Variants in LNX2 observed in about 807,000 individuals in gnomAD.
LNX2 encodes the protein ligand of Numb protein X 2.
A neutral mutation model predicts 66.2 loss-of-function variants in LNX2; 35 were observed. That is an observed-to-expected ratio of 0.53 (90% confidence interval 0.40 to 0.70). LNX2 has a LOEUF of 0.70. Ranked by LOEUF, LNX2 falls within the 30% of genes least tolerant of loss-of-function variation. LNX2 has a pLI of 0.00. For synonymous variants in LNX2, 337 were observed against 315.6 expected, an observed-to-expected ratio of 1.07 and a Z score of -0.72; for missense variants, 791 against 850.8, an observed-to-expected ratio of 0.93 and a Z score of 0.87.
intron 3 of LNX2, among the ~76,000 whole-genome samples, chr13:27,568,474 C>A (rs945237408): frequency 6.6e-6 from 1 of 152,052 alleles, no homozygotes; most frequent in African/African-American, 2.4e-5. Flanking sequence ...AGGTGTATAA[C>A]GGTGAGATGC....
chr13:27,561,861 A>G (rs1955139593), intron 5 of LNX2, among the ~76,000 whole-genome samples: 1 of 152,252 alleles, frequency 6.6e-6, no homozygotes, highest in Non-Finnish European at 1.5e-5. Context: ...GCTTTTATGA[A>G]AAACATGTTC....
At chr13:27,584,453 C>T (rs1955461248) in intron 1 of LNX2, among the ~76,000 whole-genome samples, 1 of 150,668 alleles carries the variant, frequency 6.6e-6, no homozygotes, top group South Asian at 2.1e-4. Context: ...ACTCAGGAGG[C>T]TGAGGTGGGA....
chr13:27,550,241 G>T, intron 9 of LNX2, 92 bp downstream of exon 9: 1 of 1,105,972 alleles, frequency 9.0e-7, no homozygotes. Context: ...AAAAGATAAT[G>T]GGCTGGATTT....
At chr13:27,551,997 A>G (rs1246361998) in intron 8 of LNX2, among the ~76,000 whole-genome samples, 1 of 152,218 alleles carries the variant, frequency 6.6e-6, no homozygotes, top group Non-Finnish European at 1.5e-5. Context: ...TTTGCATTCA[A>G]CAGAGACCTC....
rs766779653 is a variant in LNX2 at position 27,581,429 on chromosome 13, T to C, written c.275A>G (p.His92Arg). 16 of 1,609,436 alleles carry C rather than the reference T, an allele frequency of 9.9e-6. No homozygotes were observed. The highest frequency in any genetic ancestry group is 4.5e-5 in the East Asian group (2 of 44,760). The change falls in exon 2 of 10, where the codon CAT (histidine) becomes CGT (arginine). Residue 92 changes from histidine to arginine, a missense_variant. His to Arg is a conservative substitution (Grantham distance 29). Coordinates refer to ENST00000316334, the MANE Select transcript of LNX2 (RefSeq NM_153371.4). ...DFCPLDRKRL[H>R]FKLCKKSSIL... ...ACTAGACTTCTTGCACAACTTAAAATGAAGTCTTTTCCGGTCCAACGGACA... is the reference window on the plus strand; with the variant it reads ...ACTAGACTTCTTGCACAACTTAAAACGAAGTCTTTTCCGGTCCAACGGACA...
intron 5 of LNX2, among the ~76,000 whole-genome samples, chr13:27,560,565 G>GTGTGTATGTGTATGTATATATATA (rs35007288): frequency 8.3e-6 from 1 of 119,970 alleles, no homozygotes; most frequent in East Asian, 2.2e-4. Context: ...ATGTATGTGT[G>GTGTGTATGTGTATGTATATATATA]TATATATATA....
chr13:27,613,767 C>CA (rs1425525651), intron 1 of LNX2, among the ~76,000 whole-genome samples: 1 of 151,460 alleles, frequency 6.6e-6, no homozygotes, highest in South Asian at 2.1e-4. Flanking sequence ...GACGCAGTCT[C>CA]AAAAAAATAA....
intron 1 of LNX2, among the ~76,000 whole-genome samples, chr13:27,599,935 A>C (rs1955638930): frequency 6.6e-6 from 1 of 152,202 alleles, no homozygotes; most frequent in Non-Finnish European, 1.5e-5. Context: ...GTTTCCATGG[A>C]AACAGCCTAG....
chr13:27,597,908 C>A (rs1426067658), intron 1 of LNX2, among the ~76,000 whole-genome samples: 2 of 152,056 alleles, frequency 1.3e-5, no homozygotes, highest in Admixed American at 6.6e-5. Context: ...CCTTACAATT[C>A]AAAAGTAGTT....
At chr13:27,600,756 A>G (rs757134865) in intron 1 of LNX2, among the ~76,000 whole-genome samples, 1 of 152,142 alleles carries the variant, frequency 6.6e-6, no homozygotes, top group Non-Finnish European at 1.5e-5. Context: ...TGCTTCCACA[A>G]TATTGCCAAC....
intron 1 of LNX2, among the ~76,000 whole-genome samples, chr13:27,613,821 T>A (rs951828066): frequency 2.0e-5 from 3 of 152,158 alleles, no homozygotes; most frequent in African/African-American, 7.2e-5. Context: ...GTCACCCGGC[T>A]GCAAATGATT....
At chr13:27,612,742 G>T (rs1955785124) in intron 1 of LNX2, among the ~76,000 whole-genome samples, 3 of 152,112 alleles carry the variant, frequency 2.0e-5, no homozygotes, top group Admixed American at 2.0e-4. Flanking sequence ...GGGGTCACAG[G>T]CATATGACAC....
At chr13:27,577,423 T>C (rs1955351581) in intron 2 of LNX2, among the ~76,000 whole-genome samples, 1 of 152,168 alleles carries the variant, frequency 6.6e-6, no homozygotes, top group Non-Finnish European at 1.5e-5. Flanking sequence ...TTCTATTTAG[T>C]TTTTCCTGGA....
chr13:27,601,602 GAACA>G (rs1955658723), intron 1 of LNX2, among the ~76,000 whole-genome samples: 1 of 152,102 alleles, frequency 6.6e-6, no homozygotes, highest in Non-Finnish European at 1.5e-5. Context: ...GAGCAAAGAG[GAACA>G]AAATAAAGTT....
intron 8 of LNX2, among the ~76,000 whole-genome samples, chr13:27,552,387 A>G (rs1289837163): frequency 6.6e-6 from 1 of 152,260 alleles, no homozygotes; most frequent in Non-Finnish European, 1.5e-5. Context: ...AGTTGTTGTT[A>G]TAAATGTATC....
intron 2 of LNX2, 92 bp from the exon 3 acceptor site, chr13:27,569,368 A>G: frequency 1.5e-6 from 2 of 1,374,068 alleles, no homozygotes. Flanking sequence ...CTACACAAAC[A>G]GAACCAGAAG....
intron 1 of LNX2, among the ~76,000 whole-genome samples, chr13:27,609,844 C>T (rs537288774): frequency 6.6e-6 from 1 of 152,124 alleles, no homozygotes; most frequent in Non-Finnish European, 1.5e-5. Context: ...TTAATGTTAT[C>T]ATACTCCATT....
intron 1 of LNX2, among the ~76,000 whole-genome samples, chr13:27,604,337 C>T (rs1955691859): frequency 1.3e-5 from 2 of 152,240 alleles, no homozygotes; most frequent in Admixed American, 1.3e-4. Context: ...AGCAGATCCA[C>T]ACAATGAGCA....
intron 1 of LNX2, among the ~76,000 whole-genome samples, chr13:27,614,230 A>G (rs1955803423): frequency 6.6e-6 from 1 of 152,268 alleles, no homozygotes; most frequent in Non-Finnish European, 1.5e-5. Context: ...GCTAAGGTAT[A>G]GACATAAACA....
Sources: gnomAD v4.1 joint callset for allele counts (sites outside exome capture counted in the v4.1 genomes callset) on GRCh38, gnomAD v4.1.1 for gene constraint, MANE v1.5 for transcripts, NCBI Gene and HGNC (gene_info 2026-07-23, HGNC 2026-07-21) for gene names.